The following NCAPG variants were observed in gnomAD, a reference collection of about 807,000 sequenced individuals.
The protein encoded by NCAPG is condensin complex subunit 3.
NCAPG carries 69 observed loss-of-function variants against 113.1 expected under a neutral mutation model. That is an observed-to-expected ratio of 0.61 (90% CI 0.50 to 0.75). The LOEUF (loss-of-function observed/expected upper bound fraction) is 0.75, where lower values mean the gene tolerates loss of function less well. Ranked by LOEUF, NCAPG falls within the 30% of genes least tolerant of loss-of-function variation. The pLI, the probability that NCAPG is intolerant of heterozygous loss-of-function variation, is 0.00. For synonymous variants in NCAPG, 370 were observed against 415.8 expected (o/e 0.89, Z 1.34); for missense variants, 1,058 against 1,177.0 (o/e 0.90, Z 1.48).
chr4:17,837,113 AAG>A (rs771993959), intron 14 of NCAPG, 44 bp from the exon 15 acceptor site: 1 of 1,561,288 alleles, frequency 6.4e-7, no homozygotes, highest in Non-Finnish European at 8.8e-7. Context: ...GAGGCTTAAA[AAG>A]GAGATACAAA....
intron 6 of NCAPG, 126 bp downstream of exon 6, chr4:17,817,579 T>G: frequency 1.3e-6 from 1 of 771,602 alleles, no homozygotes; most frequent in African/African-American, 1.8e-5. Flanking sequence ...TTGTTTTCTT[T>G]TAGTCTGATG....
chr4:17,814,593 TGC>T (rs1345490041), intron 3 of NCAPG, among the ~76,000 whole-genome samples: 1 of 152,190 alleles, frequency 6.6e-6, no homozygotes, highest in Non-Finnish European at 1.5e-5. Flanking sequence ...GCCACTACCA[TGC>T]CTAGCTAATT....
chr4:17,817,138 T>C, intron 5 of NCAPG, 123 bp from the exon 6 acceptor site: 1 of 665,994 alleles, frequency 1.5e-6, no homozygotes, highest in Non-Finnish European at 2.5e-6. Context: ...CATGCTTAGT[T>C]GTGCCTCTTA....
chr4:17,842,907 G>GT (rs1340737042), intron 20 of NCAPG: 4 of 161,458 alleles, frequency 2.5e-5, no homozygotes, highest in Non-Finnish European at 5.4e-5. Flanking sequence ...GGGGAAACTT[G>GT]TTTTTTACTA....
At chr4:17,819,722 T>G (rs1272481594) in intron 7 of NCAPG, among the ~76,000 whole-genome samples, 1 of 152,116 alleles carries the variant, frequency 6.6e-6, no homozygotes, top group Admixed American at 6.6e-5. Flanking sequence ...TTAAAAAAGC[T>G]TCCATATAAT....
At position 17,834,289 on chromosome 4, in the gene NCAPG, C is replaced by A; in HGVS notation, c.1885-10C>A. 1 of 1,543,336 alleles carries A rather than the reference C, an allele frequency of 6.5e-7. No individual in the cohort carries two copies. The highest frequency in any genetic ancestry group is 1.2e-5 in the South Asian group (1 of 80,390). On this transcript the variant is annotated splice_polypyrimidine_tract_variant and intron_variant, in intron 13 of 20. Coordinates refer to ENST00000251496, the MANE Select transcript of NCAPG (RefSeq NM_022346.5). ...ATTTACTTTTTTTGGTGGGGAATAT[C>A]TTGATTTAGGTTTTGCAAATTGATG...
Position 17,840,664 on chromosome 4 carries a change from C to CAA in NCAPG, c.2827_2828dup (p.Thr945LeufsTer4). The CAA allele has an allele frequency of 6.4e-7, 1 of 1,556,868 alleles. No individual in the cohort carries two copies. The highest frequency in any genetic ancestry group is 1.4e-5 in the African/African-American group (1 of 72,266). ...AGGGGTGTAAAAGCAACCCAAGCAT[C>CAA]AAAGTCTACTCAGCTAAAGACTAAC... On this transcript the variant is annotated frameshift_variant, in exon 19 of 21. Coordinates refer to ENST00000251496, the MANE Select transcript of NCAPG (RefSeq NM_022346.5). LOFTEE classifies it high-confidence loss of function.
At chr4:17,816,400 C>T (rs1218133171) in intron 5 of NCAPG, among the ~76,000 whole-genome samples, 1 of 152,110 alleles carries the variant, frequency 6.6e-6, no homozygotes, top group Admixed American at 6.6e-5. Flanking sequence ...GGTACTAGTC[C>T]GTGGCCCAGG....
Position 17,818,073 on chromosome 4 carries a change from C to T in NCAPG, c.1103C>T (p.Ala368Val). Residue 368 changes from alanine (A) to valine (V), a missense_variant, in exon 7 of 21, where the codon GCA (alanine) becomes GTA (valine). Transcript: ENST00000251496. The part of the protein sequence containing the change: ...EQILPEPVVY[A>V]DYLLSYIQSI... ...ATTTTGCCAGAGCCTGTAGTATATG[C>T]AGACTATTTATTGAGGTAAATTTTT... 1 of 1,604,374 alleles carries T rather than the reference C, an allele frequency of 6.2e-7. No individual in the cohort carries two copies. The highest frequency in any genetic ancestry group is 8.5e-7 in the Non-Finnish European group (1 of 1,177,192).
intron 11 of NCAPG, 56 bp downstream of exon 11, chr4:17,825,617 A>C (rs1288712848): frequency 2.8e-6 from 4 of 1,437,264 alleles, no homozygotes; most frequent in African/African-American, 1.5e-5. Context: ...TCTCAACTAA[A>C]TCTTATTTTC....
At chr4:17,838,773 T>C (rs577282671) in intron 16 of NCAPG, among the ~76,000 whole-genome samples, 35 of 152,288 alleles carry the variant, frequency 2.3e-4, no homozygotes, top group South Asian at 1.5e-3. Context: ...GTTGGCCTTA[T>C]GTGCAATGGA....
intron 11 of NCAPG, 25 bp downstream of exon 11, chr4:17,825,586 A>C: frequency 3.9e-6 from 6 of 1,550,370 alleles, no homozygotes; most frequent in Non-Finnish European, 4.3e-6. Context: ...TTTCATACTA[A>C]ATCTCAGGTG....
At chr4:17,840,261 T>C in intron 18 of NCAPG, 52 bp downstream of exon 18, 1 of 1,448,322 alleles carries the variant, frequency 6.9e-7, no homozygotes, top group Non-Finnish European at 9.1e-7. Context: ...TTTTTTTCCA[T>C]CTTTACTGAG....
rs1450818250 is a variant in NCAPG at position 17,817,413 on chromosome 4, C to G, written c.928C>G (p.Leu310Val). Residue 310 changes from leucine to valine, a missense_variant, in exon 6 of 21, where the codon CTC (leucine) becomes GTC (valine). Physicochemically the swap from Leu to Val is conservative, Grantham distance 32. Coordinates refer to ENST00000251496, the MANE Select transcript of NCAPG (RefSeq NM_022346.5). ...VLNALFSITP[L>V]SELVGLCKNN... ...CAATGCCTTGTTTTCAATAACTCCTCTCAGTGAACTGGTGGGACTCTGTAA... is the reference window on the plus strand; with the variant it reads ...CAATGCCTTGTTTTCAATAACTCCTGTCAGTGAACTGGTGGGACTCTGTAA... The G allele has an allele frequency of 1.5e-5, 25 of 1,613,984 alleles. No homozygotes were observed. Among genetic ancestry groups the G allele is most frequent in the Non-Finnish European group, 2.0e-5 (24 of 1,180,008 alleles).
intron 7 of NCAPG, among the ~76,000 whole-genome samples, chr4:17,820,047 G>A (rs187641625): frequency 6.6e-6 from 1 of 152,108 alleles, no homozygotes; most frequent in Non-Finnish European, 1.5e-5. Flanking sequence ...GAATGAGTTT[G>A]TGGCAAAGTT....
chr4:17,812,307 G>A lies in NCAPG; in HGVS notation c.198G>A (p.Glu66=). The A allele has an allele frequency of 6.2e-7, 1 of 1,613,750 alleles. No homozygotes were observed. The highest frequency in any genetic ancestry group is 1.1e-5 in the South Asian group (1 of 91,078). Residue 66 remains glutamate, a synonymous_variant, in exon 2 of 21, where the codon GAG becomes GAA. Coordinates refer to ENST00000251496, the MANE Select transcript of NCAPG (RefSeq NM_022346.5). ...MVVYKREPAV[E]RVIEFAAKFV... ...TCTATAAACGTGAACCAGCTGTGGA[G>A]AGGGTAATAGAATTTGCAGCAAAGT...
At position 17,843,335 on chromosome 4, in the gene NCAPG, G is replaced by A; in HGVS notation, c.2958G>A (p.Met986Ile). ...DHEVPEPESEMKMRLPRRAKT... is the reference protein window; with the variant it reads ...DHEVPEPESEIKMRLPRRAKT... Reference sequence around the variant, plus strand: ...AAGTTCCAGAACCAGAATCAGAAATGAAGATGAGACTACCAAGACGAGCCA... The same window carrying A: ...AAGTTCCAGAACCAGAATCAGAAATAAAGATGAGACTACCAAGACGAGCCA... The change falls in exon 21 of 21, where the codon ATG (methionine) becomes ATA (isoleucine). Residue 986 changes from methionine to isoleucine, a missense_variant. Transcript: ENST00000251496. The A allele has an allele frequency of 6.2e-7, 1 of 1,611,868 alleles. No homozygotes were observed. The highest frequency in any genetic ancestry group is 8.5e-7 in the Non-Finnish European group (1 of 1,178,256).
rs755046214 is a variant in NCAPG at position 17,828,323 on chromosome 4, C to G, written c.1699C>G (p.Leu567Val). 6.2e-7 allele frequency: 1 copy of G among 1,609,780 alleles called. No homozygotes were observed. The highest frequency in any genetic ancestry group is 1.1e-5 in the South Asian group (1 of 90,598). The change falls in exon 12 of 21, where the codon CTG becomes GTG. Residue 567 changes from leucine (L) to valine (V), a missense_variant. Leu to Val is a conservative substitution (Grantham distance 32). Coordinates refer to ENST00000251496, the MANE Select transcript of NCAPG (RefSeq NM_022346.5). ...GAAATGTCTTATTTTATGCTATGAA[C>G]TGTTGAAGCAGATGTCCATTTCAAC... ...LQKCLILCYE[L>V]LKQMSISTGL...
chr4:17,812,885 T>C (rs1219060745), intron 2 of NCAPG, 32 bp from the exon 3 acceptor site: 4 of 1,563,482 alleles, frequency 2.6e-6, no homozygotes, highest in Non-Finnish European at 3.5e-6. Flanking sequence ...GGTATGTGAC[T>C]ATGAATAAAT....
Sources: gnomAD v4.1 joint callset for allele counts (sites outside exome capture counted in the v4.1 genomes callset) on GRCh38, gnomAD v4.1.1 for gene constraint, MANE v1.5 for transcripts, NCBI Gene and HGNC (gene_info 2026-07-23, HGNC 2026-07-21) for gene names.